CACNA2D1: variants seen among roughly 807,000 people sequenced by gnomAD.
CACNA2D1 encodes the protein voltage-dependent calcium channel subunit alpha-2/delta-1.
A neutral mutation model predicts 171.5 loss-of-function variants in CACNA2D1; 53 were observed. The ratio of observed to expected loss-of-function variants is 0.31; its 90% CI spans 0.25 to 0.39. The LOEUF (loss-of-function observed/expected upper bound fraction) is 0.39. CACNA2D1 is among the 10% of genes least tolerant of loss of function. The pLI, the probability that CACNA2D1 is intolerant of heterozygous loss-of-function variation, is 1.00. For synonymous variants in CACNA2D1, 442 were observed against 443.1 expected, an observed-to-expected ratio of 1.00 and a Z score of 0.03; for missense variants, 903 against 1,299.8, an observed-to-expected ratio of 0.69 and a Z score of 4.69.
intron 5 of CACNA2D1, among the ~76,000 whole-genome samples, chr7:82,124,384 C>G (rs1285765510): frequency 3.3e-5 from 5 of 152,104 alleles, no homozygotes; most frequent in Non-Finnish European, 5.9e-5. Flanking sequence ...CTCCCACAAC[C>G]AATCAGACTG....
chr7:82,385,483 T>C (rs552158561), intron 1 of CACNA2D1, among the ~76,000 whole-genome samples: 4 of 152,308 alleles, frequency 2.6e-5, no homozygotes, highest in African/African-American at 7.2e-5. Context: ...TGTGGTACAA[T>C]ATGGGTTAAA....
chr7:82,019,464 A>C (rs891953651), intron 12 of CACNA2D1, among the ~76,000 whole-genome samples: 1 of 152,220 alleles, frequency 6.6e-6, no homozygotes, highest in Non-Finnish European at 1.5e-5. Context: ...TTGGTATTAC[A>C]GCTCTGGCCT....
intron 3 of CACNA2D1, among the ~76,000 whole-genome samples, chr7:82,301,190 G>A (rs936394786): frequency 6.6e-6 from 1 of 152,142 alleles, no homozygotes; most frequent in African/African-American, 2.4e-5. Flanking sequence ...GCAAAGGAAT[G>A]ACCTCAGCTC....
At chr7:82,238,396 TG>T (rs1263095852) in intron 3 of CACNA2D1, among the ~76,000 whole-genome samples, 1 of 151,910 alleles carries the variant, frequency 6.6e-6, no homozygotes, top group African/African-American at 2.4e-5. Flanking sequence ...ACATTAAAAA[TG>T]GTCCTATTAA....
chr7:82,362,973 G>A (rs1411578328), intron 1 of CACNA2D1, among the ~76,000 whole-genome samples: 1 of 152,032 alleles, frequency 6.6e-6, no homozygotes, highest in Non-Finnish European at 1.5e-5. Context: ...AGTTCTGCTA[G>A]GTGCAAAAGA....
intron 6 of CACNA2D1, among the ~76,000 whole-genome samples, chr7:82,101,813 T>G (rs1812709475): frequency 1.3e-5 from 2 of 152,222 alleles, no homozygotes; most frequent in South Asian, 2.1e-4. Context: ...GATTTTGGCC[T>G]CTAACCTATG....
chr7:82,362,511 C>T (rs1821183348), intron 1 of CACNA2D1, among the ~76,000 whole-genome samples: 1 of 152,148 alleles, frequency 6.6e-6, no homozygotes, highest in African/African-American at 2.4e-5. Context: ...TGAGCACATG[C>T]AATCCATTAG....
intron 12 of CACNA2D1, among the ~76,000 whole-genome samples, chr7:82,020,476 T>A (rs1012459518): frequency 6.6e-6 from 1 of 152,066 alleles, no homozygotes; most frequent in African/African-American, 2.4e-5. Context: ...CAGTTGTAAG[T>A]GAAAAGTAAA....
At chr7:82,018,063 T>A (rs985028033) in intron 12 of CACNA2D1, among the ~76,000 whole-genome samples, 8 of 152,324 alleles carry the variant, frequency 5.3e-5, no homozygotes, top group African/African-American at 1.9e-4. Context: ...TATATGATTT[T>A]ATGTAGGCTC....
chr7:82,187,200 T>C (rs1330007036), intron 3 of CACNA2D1, among the ~76,000 whole-genome samples: 1 of 152,204 alleles, frequency 6.6e-6, no homozygotes, highest in African/African-American at 2.4e-5. Context: ...TGAATATTTA[T>C]GAAATCTGTG....
At chr7:82,275,348 C>T (rs1809188586) in intron 3 of CACNA2D1, among the ~76,000 whole-genome samples, 1 of 152,134 alleles carries the variant, frequency 6.6e-6, no homozygotes, top group Non-Finnish European at 1.5e-5. Context: ...TTTTAAAATT[C>T]AGATCCATCT....
chr7:82,080,680 G>A (rs181546723), intron 7 of CACNA2D1, among the ~76,000 whole-genome samples: 108 of 152,180 alleles, frequency 7.1e-4, no homozygotes, highest in African/African-American at 2.5e-3. Flanking sequence ...ATCGTATCTG[G>A]CAGCCCTACA....
chr7:82,032,975 C>G (rs1184804372), intron 11 of CACNA2D1, 74 bp from the exon 12 acceptor site: 1 of 827,314 alleles, frequency 1.2e-6, no homozygotes, highest in Non-Finnish European at 2.1e-6. Context: ...CTATATGGAA[C>G]GAGCATGAGC....
At chr7:82,360,289 C>A (rs1296567106) in intron 1 of CACNA2D1, among the ~76,000 whole-genome samples, 7 of 151,752 alleles carry the variant, frequency 4.6e-5, no homozygotes, top group Admixed American at 3.9e-4. Flanking sequence ...CTTTACATGG[C>A]AAGAAAAAAG....
intron 1 of CACNA2D1, among the ~76,000 whole-genome samples, chr7:82,436,944 T>C (rs867270978): frequency 7.2e-5 from 11 of 152,194 alleles, no homozygotes; most frequent in Admixed American, 3.3e-4. Context: ...CCCTAAGGTA[T>C]TGGGCAAATA....
chr7:82,147,086 T>A (rs1793233585), intron 4 of CACNA2D1, among the ~76,000 whole-genome samples: 1 of 134,260 alleles, frequency 7.4e-6, no homozygotes, highest in Non-Finnish European at 1.6e-5. Flanking sequence ...ACATAATTCA[T>A]AACAGTCAAA....
At chr7:82,378,983 G>C (rs1338319716) in intron 1 of CACNA2D1, among the ~76,000 whole-genome samples, 4 of 124,580 alleles carry the variant, frequency 3.2e-5, no homozygotes, top group Non-Finnish European at 6.9e-5. Context: ...GTGTGTGTGT[G>C]TGTGTTATAC....
chr7:82,061,132 G>A (rs1011993699), intron 9 of CACNA2D1, among the ~76,000 whole-genome samples: 1 of 152,074 alleles, frequency 6.6e-6, no homozygotes, highest in African/African-American at 2.4e-5. Context: ...ACACTTTCCT[G>A]GTTTTATCCT....
At chr7:82,247,187 A>G (rs1805029552) in intron 3 of CACNA2D1, among the ~76,000 whole-genome samples, 1 of 152,184 alleles carries the variant, frequency 6.6e-6, no homozygotes. Flanking sequence ...ATTGTATTTA[A>G]CACAGATGTA....
Sources: allele counts gnomAD v4.1 joint callset (sites outside exome capture counted in the v4.1 genomes callset), GRCh38; gene constraint gnomAD v4.1.1; transcripts MANE v1.5; gene names NCBI Gene and HGNC (gene_info 2026-07-23, HGNC 2026-07-21).